Variants in NOS1 observed in about 807,000 individuals in gnomAD.
The protein encoded by NOS1 is NOS type I.
A neutral mutation model predicts 164.5 loss-of-function variants in NOS1; 51 were observed. The ratio of observed to expected loss-of-function variants is 0.31; its 90% CI spans 0.25 to 0.39. NOS1 has a LOEUF of 0.39. NOS1 is among the 10% of genes least tolerant of loss of function. The pLI is 1.00. For synonymous variants in NOS1, 719 were observed against 745.8 expected, an observed-to-expected ratio of 0.96 and a Z score of 0.59; for missense variants, 1,362 against 1,885.6, an observed-to-expected ratio of 0.72 and a Z score of 5.14.
At chr12:117,326,810 A>G (rs991306307) in intron 2 of NOS1, among the ~76,000 whole-genome samples, 1 of 152,166 alleles carries the variant, frequency 6.6e-6, no homozygotes, top group African/African-American at 2.4e-5. Context: ...GCGTTTGGAG[A>G]GGAGCCCCTT....
intron 1 of NOS1, among the ~76,000 whole-genome samples, chr12:117,343,775 G>A (rs1027860184): frequency 3.9e-5 from 6 of 152,170 alleles, no homozygotes; most frequent in Non-Finnish European, 5.9e-5. Flanking sequence ...GTGCTTTCTG[G>A]TGTAGGGGAG....
In NOS1 at chr12:117,242,850, A is replaced by G; in HGVS notation, c.2963-145T>C. ...AGGATCACTTGAGGCCAGGGGTTCA[A>G]GACCAGCCTGGGAAACATAATGAGA... On this transcript the variant is annotated intron_variant, in intron 19 of 28. Coordinates refer to ENST00000317775, the MANE Select transcript of NOS1 (RefSeq NM_000620.5). 4.4e-6 allele frequency: 3 copies of G among 689,108 alleles called. No homozygotes were observed. The South Asian group carries it at 5.0e-5, about 11-fold the overall frequency. The allele number at this position is 689,108 out of a possible 1,614,324, so 42.7% of individuals were successfully genotyped here.
intron 1 of NOS1, among the ~76,000 whole-genome samples, chr12:117,348,609 T>C (rs1374937341): frequency 6.6e-6 from 1 of 152,238 alleles, no homozygotes; most frequent in Non-Finnish European, 1.5e-5. Flanking sequence ...AAAGCTAATA[T>C]CCACGAAATC....
At position 117,311,483 on chromosome 12, in the gene NOS1, A is replaced by G. The variant is rs770343491; in HGVS notation, c.835T>C (p.Tyr279His). The stretch of plus-strand genomic sequence containing the variant: ...GCACTTACCTGCTCCTTCTCTGAAT[A>G]TGGGTTGTTGAGGACGACAGGCACA... The part of the protein sequence containing the change: ...GNVPVVLNNP[Y>H]SEKEQPPTSG... The change falls in exon 3 of 29, where the codon TAT (tyrosine) becomes CAT (histidine). Residue 279 changes from tyrosine (Y) to histidine (H), a missense_variant. Tyr to His is a moderately conservative substitution (Grantham distance 83, BLOSUM62 2). Around this residue, in one of 4 missense-constraint regions of NOS1, gnomAD observed 362 missense variants for 402.0 expected, o/e 0.90. Coordinates refer to ENST00000317775, the MANE Select transcript of NOS1 (RefSeq NM_000620.5). The G allele has an allele frequency of 2.2e-5, 36 of 1,609,714 alleles. 1 individual carries two copies. The East Asian group carries it at 7.8e-4, about 35-fold the overall frequency.
intron 22 of NOS1, among the ~76,000 whole-genome samples, chr12:117,229,280 T>C (rs968397604): frequency 6.6e-6 from 1 of 152,182 alleles, no homozygotes; most frequent in African/African-American, 2.4e-5. Flanking sequence ...TCCCTGCCAA[T>C]GACCAAGCAC....
At position 117,208,700 on chromosome 12, in the gene NOS1, T is replaced by C; in HGVS notation, c.*6609A>G. The C allele has an allele frequency of 4.8e-6, 5 of 1,033,560 alleles. No individual in the cohort carries two copies. Among genetic ancestry groups the C allele is most frequent in the Non-Finnish European group, 5.8e-6 (5 of 860,300 alleles). The allele number at this position is 1,033,560 out of a possible 1,614,324, so 64.0% of individuals were successfully genotyped here. Reference sequence around the variant, plus strand: ...GACACAGTGTCTTATTGAAACAGACTGCCATCCTCTGTTCTGGCATGGGAG... The same window carrying C: ...GACACAGTGTCTTATTGAAACAGACCGCCATCCTCTGTTCTGGCATGGGAG... On this transcript the variant is annotated 3_prime_UTR_variant, in exon 29 of 29. Transcript: ENST00000317775.
chr12:117,259,471 A>C (rs895896990), intron 14 of NOS1, among the ~76,000 whole-genome samples: 3 of 152,120 alleles, frequency 2.0e-5, no homozygotes, highest in African/African-American at 7.2e-5. Context: ...CTTATAGTCA[A>C]TTGGTCTTGG....
chr12:117,305,046 A>G, intron 3 of NOS1: 1 of 985,128 alleles, frequency 1.0e-6, no homozygotes, highest in Non-Finnish European at 1.2e-6. Context: ...CTCAACCCCC[A>G]CCTATCCCTT....
intron 4 of NOS1, among the ~76,000 whole-genome samples, chr12:117,288,721 G>A (rs142428665): frequency 6.6e-6 from 1 of 152,238 alleles, no homozygotes; most frequent in East Asian, 1.9e-4. Context: ...CTTAGGATGT[G>A]GCAGAAATGA....
Position 117,282,370 on chromosome 12 carries a change from G to A in NOS1, c.1383-1504C>T, listed in dbSNP as rs545609695. 1.8e-4 allele frequency among the ~76,000 whole-genome samples: 27 copies of A among 152,262 alleles called. No homozygotes were observed. The South Asian group carries it at 2.9e-3, about 16-fold the overall frequency. ...TGTGTCAACAAAAAGATGGCATCTCGGGTCCAACTCCTTGCTTATAGATCT... is the reference window on the plus strand; with the variant it reads ...TGTGTCAACAAAAAGATGGCATCTCAGGTCCAACTCCTTGCTTATAGATCT... On this transcript the variant is annotated intron_variant, in intron 7 of 28. Transcript: ENST00000317775.
At chr12:117,271,077 A>G (rs1166060265) in intron 10 of NOS1, among the ~76,000 whole-genome samples, 1 of 152,076 alleles carries the variant, frequency 6.6e-6, no homozygotes, top group African/African-American at 2.4e-5. Flanking sequence ...GAAAGAAAAA[A>G]GTTTGCATTG....
intron 23 of NOS1, among the ~76,000 whole-genome samples, 161 bp from the exon 24 acceptor site, chr12:117,226,931 C>G (rs1868743450): frequency 1.3e-5 from 2 of 152,122 alleles, no homozygotes; most frequent in Admixed American, 1.3e-4. Flanking sequence ...AATGGTATAG[C>G]TGGGGTGACT....
chr12:117,304,513 G>C (rs1477298423), intron 3 of NOS1, among the ~76,000 whole-genome samples: 1 of 152,204 alleles, frequency 6.6e-6, no homozygotes, highest in Non-Finnish European at 1.5e-5. Flanking sequence ...CTCAAGGGCA[G>C]GGAAGCCTGT....
chr12:117,336,014 C>T (rs913881776), intron 1 of NOS1, among the ~76,000 whole-genome samples: 5 of 150,816 alleles, frequency 3.3e-5, no homozygotes, highest in Middle Eastern at 3.4e-3. Context: ...GCCTTGTAAG[C>T]GCCATTTTTA....
intron 2 of NOS1, among the ~76,000 whole-genome samples, chr12:117,323,262 C>G (rs1875077073): frequency 6.6e-6 from 1 of 152,254 alleles, no homozygotes; most frequent in South Asian, 2.1e-4. Context: ...CAATGTCAGG[C>G]ATCCCTCAGG....
intron 2 of NOS1, among the ~76,000 whole-genome samples, chr12:117,320,355 C>T (rs973058684): frequency 1.3e-5 from 2 of 152,022 alleles, no homozygotes; most frequent in Admixed American, 1.3e-4. Flanking sequence ...GGGATGTCAC[C>T]ACGGAAGCAA....
chr12:117,342,695 A>G (rs563810048), intron 1 of NOS1, among the ~76,000 whole-genome samples: 98 of 152,260 alleles, frequency 6.4e-4, no homozygotes, highest in African/African-American at 2.3e-3. Context: ...TTTTGAGACA[A>G]GAAGTACAGT....
intron 2 of NOS1, among the ~76,000 whole-genome samples, chr12:117,316,605 G>C (rs150400314): frequency 2.8e-4 from 42 of 152,262 alleles, no homozygotes; most frequent in Non-Finnish European, 1.3e-4. Context: ...TTTCCATTTA[G>C]AACTAAGAAA....
rs111400586 is a variant in NOS1 at position 117,356,254 on chromosome 12, G to C, written c.-421+5258C>G. Among the ~76,000 whole-genome samples, 1 of 152,182 alleles carries C rather than the reference G, an allele frequency of 6.6e-6. No individual in the cohort carries two copies. The highest frequency in any genetic ancestry group is 1.5e-5 in the Non-Finnish European group (1 of 68,038). On this transcript the variant is annotated intron_variant, in intron 1 of 28. Transcript: ENST00000317775. The surrounding 1 kb of genome is among the most constrained non-coding windows in gnomAD (Gnocchi z 4.2). ...ACTCTGAGTCACAGAATCCACAAGT[G>C]CCCAAGCTGGCCTCTGACGTTTCCT...
Sources: allele counts gnomAD v4.1 joint callset (sites outside exome capture counted in the v4.1 genomes callset), GRCh38; gene constraint gnomAD v4.1.1; regional missense constraint gnomAD v4.1.1; non-coding constraint Gnocchi (gnomAD v3.1); transcripts MANE v1.5; gene names NCBI Gene and HGNC (gene_info 2026-07-23, HGNC 2026-07-21).